F5: variants seen among roughly 807,000 people sequenced by gnomAD.
F5 encodes coagulation factor V.
F5 carries 138 observed loss-of-function variants against 216.4 expected under a neutral mutation model. The observed-to-expected ratio is 0.64, with a 90% CI of 0.56 to 0.73. The LOEUF is 0.73. Among genes scored for constraint, F5 ranks in the 30% least tolerant of loss-of-function variants. The probability of loss-of-function intolerance (pLI) is 0.00; values close to 1 mark genes in which losing one functional copy is unlikely to be tolerated. For synonymous variants in F5, 916 were observed against 930.7 expected (o/e 0.98, Z 0.29); for missense variants, 2,403 against 2,674.0 (o/e 0.90, Z 2.24).
Position 169,540,996 on chromosome 1 carries a change from G to A in F5, c.4094C>T (p.Thr1365Ile), listed in dbSNP as rs375043835. The A allele has an allele frequency of 1.3e-6, 2 of 1,591,374 alleles. No individual in the cohort carries two copies. The highest frequency in any genetic ancestry group is 1.7e-5 in the Admixed American group (1 of 58,724). The change falls in exon 13 of 25, where the codon ACC (threonine) becomes ATC (isoleucine). Residue 1365 changes from threonine to isoleucine, a missense_variant. Thr to Ile is a moderately conservative substitution (Grantham distance 89). Around this residue, in one of 4 missense-constraint regions of F5, gnomAD observed 293 missense variants for 270.8 expected, o/e 1.08. Coordinates refer to ENST00000367797, the MANE Select transcript of F5 (RefSeq NM_000130.5). ...TGTCTGGCTGAGGTCTAGAGAAAGG[G>A]TTGTATGGCTGGGGTCTGGAGAAAG... is the stretch of plus-strand genomic sequence containing the variant. The part of the protein sequence containing the change: ...MPLSPDPSHT[T>I]LSLDLSQTNL...
chr1:169,549,549 C>T lies in F5; in HGVS notation c.1611+252G>A, dbSNP rs564206505. On this transcript the variant is annotated intron_variant, in intron 10 of 24. Transcript: ENST00000367797. ...GCTCAACACATCCAATACCAACAGA[C>T]CTGGAATTTGAAACTAAGACAAAAT... 5.1e-4 allele frequency among the ~76,000 whole-genome samples: 77 copies of T among 151,308 alleles called. 1 individual carries two copies. The highest frequency in any genetic ancestry group is 9.4e-4 in the Non-Finnish European group (64 of 67,846).
chr1:169,515,337 T>C, intron 24 of F5, 107 bp downstream of exon 24: 1 of 1,309,600 alleles, frequency 7.6e-7, no homozygotes, highest in Non-Finnish European at 1.1e-6. Flanking sequence ...TTAGAAGACT[T>C]AAAGAGGTGG....
chr1:169,535,596 T>C (rs1334616203), intron 14 of F5, among the ~76,000 whole-genome samples: 1 of 152,164 alleles, frequency 6.6e-6, no homozygotes, highest in Non-Finnish European at 1.5e-5. Context: ...ATACCCGCAG[T>C]TTATCTCCCA....
chr1:169,563,334 G>C (rs1660523892), intron 3 of F5, among the ~76,000 whole-genome samples: 1 of 151,852 alleles, frequency 6.6e-6, no homozygotes, highest in South Asian at 2.1e-4. Context: ...TCTTAGTTTT[G>C]TCAAACATCT....
chr1:169,516,190 T>G (rs1659150691), intron 23 of F5, among the ~76,000 whole-genome samples: 1 of 152,150 alleles, frequency 6.6e-6, no homozygotes, highest in African/African-American at 2.4e-5. Context: ...CTTCTAATAT[T>G]TCAAATAAAT....
In F5 at chr1:169,523,231, T is replaced by C. The variant is rs756397912; in HGVS notation, c.6014A>G (p.Gln2005Arg). 17 of 1,614,110 alleles carry C rather than the reference T, an allele frequency of 1.1e-5. No homozygotes were observed. Among genetic ancestry groups the C allele is most frequent in the Middle Eastern group, 3.3e-4 (2 of 6,060 alleles). Reference protein sequence around the residue: ...VAYSSNQINWQIFKGNSTRNV... With the variant: ...VAYSSNQINWRIFKGNSTRNV... ...CCTTGTGCTGTTCCCTTTGAAGATC[T>C]GCCAGTTGATCTGGTTGGAACTGTA... is the stretch of plus-strand genomic sequence containing the variant. Residue 2005 changes from glutamine (Q) to arginine (R), a missense_variant, in exon 21 of 25, where the codon CAG becomes CGG. Transcript: ENST00000367797.
intron 6 of F5, among the ~76,000 whole-genome samples, chr1:169,555,774 T>G (rs1660308423): frequency 6.6e-6 from 1 of 152,130 alleles, no homozygotes; most frequent in South Asian, 2.1e-4. Context: ...GCACTTATCC[T>G]CAACAAAGAA....
At chr1:169,567,264 G>T (rs9332556) in intron 3 of F5, among the ~76,000 whole-genome samples, 36,445 of 151,632 alleles carry the variant, frequency 0.24, 5,241 homozygotes, top group South Asian at 0.36. Context: ...GGATAGCATT[G>T]GGAGATATAC....
At chr1:169,580,187 T>G (rs1057029122) in intron 2 of F5, among the ~76,000 whole-genome samples, 1 of 152,194 alleles carries the variant, frequency 6.6e-6, no homozygotes, top group Non-Finnish European at 1.5e-5. Flanking sequence ...ACCACCAGAC[T>G]GGAGATAGGT....
Position 169,565,830 on chromosome 1 carries a change from C to T in F5, c.374-5064G>A, listed in dbSNP as rs148415892. On this transcript the variant is annotated intron_variant, in intron 3 of 24. Coordinates refer to ENST00000367797, the MANE Select transcript of F5 (RefSeq NM_000130.5). ...CATAAAGTGGACTTTGTTGTGTCTT[C>T]CCCCAACACACCCCAAAGGATAGCT... 1.1e-3 allele frequency among the ~76,000 whole-genome samples: 175 copies of T among 152,178 alleles called. 1 individual carries two copies. Among genetic ancestry groups the T allele is most frequent in the Non-Finnish European group, 1.9e-3 (130 of 67,958 alleles).
Position 169,512,785 on chromosome 1 carries a change from T to C in F5, c.*1528A>G, listed in dbSNP as rs1659060179. On this transcript the variant is annotated 3_prime_UTR_variant, in exon 25 of 25. Transcript: ENST00000367797. ...ATTCATAGGGCTTACCCCACTGGTATGGGCAACAGGTAACTCTGGTAGTTT... is the reference window on the plus strand; with the variant it reads ...ATTCATAGGGCTTACCCCACTGGTACGGGCAACAGGTAACTCTGGTAGTTT... Among the ~76,000 whole-genome samples the C allele has an allele frequency of 6.6e-6, 1 of 152,114 alleles. No homozygotes were observed. Among genetic ancestry groups the C allele is most frequent in the Non-Finnish European group, 1.5e-5 (1 of 67,984 alleles).
rs759349978 is a variant in F5, at chr1:169,582,435, A to C, written c.246T>G (p.Ile82Met). ...AAAAGTATATTTCAGGCTTACCTGA[A>C]ATGGTAGATTGTGGTTTTTCTTTCT... ...YFKKEKPQST[I>M]SGLLGPTLYA... Residue 82 changes from isoleucine to methionine, a missense_variant, in exon 2 of 25, where the codon ATT (isoleucine) becomes ATG (methionine). Transcript: ENST00000367797. The C allele has an allele frequency of 6.6e-7, 1 of 1,512,672 alleles. No individual in the cohort carries two copies. The allele number at this position is 1,512,672 out of a possible 1,614,324, so 93.7% of individuals were successfully genotyped here.
chr1:169,551,604 G>A (rs1660169313), intron 8 of F5, among the ~76,000 whole-genome samples: 1 of 152,168 alleles, frequency 6.6e-6, no homozygotes, highest in Admixed American at 6.5e-5. Context: ...TTGTCCTTTG[G>A]CTATTTTAAA....
Position 169,528,104 on chromosome 1 carries a change from CAA to C in F5, c.5420-12_5420-11del. The C allele has an allele frequency of 2.5e-6, 4 of 1,613,590 alleles. No individual in the cohort carries two copies. The highest frequency in any genetic ancestry group is 3.4e-6 in the Non-Finnish European group (4 of 1,179,710). ...ATCATCCCATTAATGGCTGAAAGGA[CAA>C]AGAGTTGAAATCAATTAAAAATCTG... On this transcript the variant is annotated splice_polypyrimidine_tract_variant and intron_variant, in intron 16 of 24. Coordinates refer to ENST00000367797, the MANE Select transcript of F5 (RefSeq NM_000130.5).
At chr1:169,572,925 G>T (rs1190285640) in intron 2 of F5, among the ~76,000 whole-genome samples, 2 of 151,240 alleles carry the variant, frequency 1.3e-5, no homozygotes, top group Non-Finnish European at 2.9e-5. Flanking sequence ...TCTTCTAAGT[G>T]AAATGGGACA....
At chr1:169,544,087 A>G (rs1404112033) in intron 12 of F5, among the ~76,000 whole-genome samples, 1 of 152,156 alleles carries the variant, frequency 6.6e-6, no homozygotes, top group African/African-American at 2.4e-5. Context: ...TTGCCCAGAG[A>G]AGGAAAAATA....
intron 14 of F5, among the ~76,000 whole-genome samples, chr1:169,533,561 T>C (rs1659637147): frequency 6.6e-6 from 1 of 151,986 alleles, no homozygotes; most frequent in South Asian, 2.1e-4. Context: ...GAAATACAAA[T>C]AACCCCATTA....
At chr1:169,519,390 G>C (rs900206747) in intron 22 of F5, among the ~76,000 whole-genome samples, 2 of 152,138 alleles carry the variant, frequency 1.3e-5, no homozygotes, top group Non-Finnish European at 2.9e-5. Flanking sequence ...TTTTAGGGTA[G>C]TTTATTAGGA....
rs1557915264 is a variant in F5, at chr1:169,541,464, C to T, written c.3626G>A (p.Ser1209Asn). Residue 1209 changes from serine (S) to asparagine (N), a missense_variant, in exon 13 of 25, where the codon AGC (serine) becomes AAC (asparagine). By Grantham distance (46) the Ser-to-Asn change is conservative (BLOSUM62 1). Coordinates refer to ENST00000367797, the MANE Select transcript of F5 (RefSeq NM_000130.5). ...GAGTTCTGGAGAGAGAGTCGTGTGG[C>T]TGAGGTCTGGAGAGAGGTTTGTCTG... ...LSQTNLSPDL[S>N]HTTLSPELIQ... 3 of 1,613,942 alleles carry T rather than the reference C, an allele frequency of 1.9e-6. No homozygotes were observed. The highest frequency in any genetic ancestry group is 2.5e-6 in the Non-Finnish European group (3 of 1,179,976).
Sources: allele counts gnomAD v4.1 joint callset (sites outside exome capture counted in the v4.1 genomes callset), GRCh38; gene constraint gnomAD v4.1.1; regional missense constraint gnomAD v4.1.1; transcripts MANE v1.5; gene names NCBI Gene and HGNC (gene_info 2026-07-23, HGNC 2026-07-21).